Variants in FAM184B observed in about 807,000 individuals in gnomAD.
FAM184B encodes the protein family with sequence similarity 184 member B, also known as protein FAM184B.
A neutral mutation model predicts 135.9 loss-of-function variants in FAM184B; 111 were observed. That is an observed-to-expected ratio of 0.82 (90% CI 0.70 to 0.96). FAM184B has a LOEUF of 0.96. FAM184B is among the 40% of genes least tolerant of loss of function. The pLI is 0.00. For missense variants in FAM184B, 1,375 were observed against 1,323.9 expected (o/e 1.04, Z -0.60); for synonymous variants, 552 against 524.8 (o/e 1.05, Z -0.71).
chr4:17,735,413 A>G (rs535138943), intron 1 of FAM184B, among the ~76,000 whole-genome samples: 18 of 152,310 alleles, frequency 1.2e-4, no homozygotes, highest in African/African-American at 2.6e-4. Flanking sequence ...CTTATTTCCT[A>G]TAATGAATTA....
At chr4:17,744,275 G>A (rs1718107959) in intron 1 of FAM184B, among the ~76,000 whole-genome samples, 1 of 152,036 alleles carries the variant, frequency 6.6e-6, no homozygotes, top group Non-Finnish European at 1.5e-5. Context: ...ACTGGGAGAA[G>A]GTGCAATAGA....
rs1459582746 is a variant in FAM184B, at chr4:17,642,094, C to T, written c.2481G>A (p.Gln827=). The change falls in exon 13 of 18, where the codon CAG becomes CAA. Residue 827 remains glutamine (Q), a synonymous_variant. Coordinates refer to ENST00000265018, the MANE Select transcript of FAM184B (RefSeq NM_015688.2). ...GGAGCTTCTGCGCCTCCTGCTGATG[C>T]TGCTCCACCTCCGCGCGCAGCCGCC... is the stretch of plus-strand genomic sequence containing the variant. ...AVRRLRAEVE[Q]HQQEAQKLRD... 7 of 1,532,712 alleles carry T rather than the reference C, an allele frequency of 4.6e-6. No homozygotes were observed. In the Admixed American group the frequency reaches 7.9e-5, roughly 17 times the overall value. The allele number at this position is 1,532,712 out of a possible 1,614,324, so 94.9% of individuals were successfully genotyped here. A position where few individuals can be genotyped will look rare whatever the true frequency, so the allele number is the denominator to read the frequency against.
At chr4:17,649,608 C>G (rs573391797) in intron 11 of FAM184B, among the ~76,000 whole-genome samples, 1 of 151,326 alleles carries the variant, frequency 6.6e-6, no homozygotes. Flanking sequence ...AAATTTACTT[C>G]GTAATCTTTC....
intron 1 of FAM184B, among the ~76,000 whole-genome samples, chr4:17,718,473 T>C (rs1225934166): frequency 6.6e-6 from 1 of 152,210 alleles, no homozygotes; most frequent in Non-Finnish European, 1.5e-5. Flanking sequence ...TATAGGCTAG[T>C]AGAGTGTGGC....
At chr4:17,776,859 C>T (rs751584427) in intron 1 of FAM184B, among the ~76,000 whole-genome samples, 6 of 152,064 alleles carry the variant, frequency 3.9e-5, no homozygotes, top group Admixed American at 6.6e-5. Context: ...AGGAAAGAAT[C>T]GTACTTCCCT....
At chr4:17,705,229 G>A in intron 4 of FAM184B, 23 bp from the exon 5 acceptor site, 1 of 1,534,222 alleles carries the variant, frequency 6.5e-7, no homozygotes, top group Non-Finnish European at 8.8e-7. Context: ...AAAGGACCTT[G>A]TAAAACCACT....
intron 1 of FAM184B, among the ~76,000 whole-genome samples, chr4:17,752,343 T>C (rs1020342128): frequency 6.6e-6 from 1 of 151,220 alleles, no homozygotes; most frequent in Admixed American, 6.6e-5. Flanking sequence ...GGACGGGAGA[T>C]AGGGGGAGGT....
At chr4:17,644,146 C>T (rs560666728) in intron 12 of FAM184B, among the ~76,000 whole-genome samples, 1 of 152,292 alleles carries the variant, frequency 6.6e-6, no homozygotes, top group East Asian at 1.9e-4. Context: ...GCAGGACATA[C>T]AGGTCATAAT....
At chr4:17,712,418 G>T (rs1446217984) in intron 1 of FAM184B, among the ~76,000 whole-genome samples, 5 of 151,962 alleles carry the variant, frequency 3.3e-5, no homozygotes, top group African/African-American at 7.3e-5. Flanking sequence ...TGCCAAACAC[G>T]ACACTGGCTG....
chr4:17,729,724 C>A (rs1198437070), intron 1 of FAM184B, among the ~76,000 whole-genome samples: 4 of 152,188 alleles, frequency 2.6e-5, no homozygotes, highest in African/African-American at 4.8e-5. Flanking sequence ...AGAAGGAAAA[C>A]TAACAAACAG....
At position 17,781,613 on chromosome 4, in the gene FAM184B, G is replaced by A. The variant is rs989712530; in HGVS notation, c.-314C>T. Reference sequence around the variant, plus strand: ...GTCTGCAGTTCCCCAGCCAGTGCAGGTTTCGTGTGCAAGGGGAGAGCTTCC... The same window carrying A: ...GTCTGCAGTTCCCCAGCCAGTGCAGATTTCGTGTGCAAGGGGAGAGCTTCC... On this transcript the variant is annotated 5_prime_UTR_variant, in exon 1 of 18. Coordinates refer to ENST00000265018, the MANE Select transcript of FAM184B (RefSeq NM_015688.2). This position sits in a 1 kb window ranked among gnomAD's most constrained non-coding sequence, Gnocchi z 6.5. 1.4e-5 allele frequency: 4 copies of A among 278,446 alleles called. 1 individual carries two copies. Among genetic ancestry groups the A allele is most frequent in the Admixed American group, 5.5e-5 (1 of 18,226 alleles). 17.2% of individuals were successfully genotyped at this position (278,446 alleles called of 1,614,324 possible).
At chr4:17,639,470 C>T (rs921069157) in intron 13 of FAM184B, 74 bp from the exon 14 acceptor site, 5 of 1,501,984 alleles carry the variant, frequency 3.3e-6, no homozygotes, top group East Asian at 2.5e-5. Flanking sequence ...GGGTTTATTT[C>T]CCTCATCGCT....
In FAM184B at chr4:17,693,289, G is replaced by C. The variant is rs1716777674; in HGVS notation, c.1488+13C>G. ...AAACAGCACCCCAAGGCTTGCATTT[G>C]GTCAGGGCTCACCTCAAGCAGAGAA... On this transcript the variant is annotated intron_variant, in intron 6 of 17. Transcript: ENST00000265018. 3 of 1,540,082 alleles carry C rather than the reference G, an allele frequency of 1.9e-6. No homozygotes were observed. The African/African-American group carries it at 4.1e-5, about 21-fold the overall frequency.
At chr4:17,636,424 A>C in intron 15 of FAM184B, 104 bp downstream of exon 15, 1 of 872,330 alleles carries the variant, frequency 1.1e-6, no homozygotes, top group Admixed American at 2.1e-5. Context: ...TTTGTAAGAT[A>C]TTAGGGCACC....
chr4:17,778,976 C>T (rs1386385922), intron 1 of FAM184B, among the ~76,000 whole-genome samples: 2 of 152,164 alleles, frequency 1.3e-5, no homozygotes, highest in African/African-American at 2.4e-5. Flanking sequence ...GAAACAATTA[C>T]ATACTAACTT....
intron 1 of FAM184B, among the ~76,000 whole-genome samples, chr4:17,728,648 C>A (rs1408431072): frequency 6.6e-6 from 1 of 151,986 alleles, no homozygotes; most frequent in Admixed American, 6.6e-5. Context: ...GAAATTGAGC[C>A]CAGGTGTGGA....
intron 15 of FAM184B, 32 bp from the exon 16 acceptor site, chr4:17,635,145 G>T: frequency 6.7e-7 from 1 of 1,502,006 alleles, no homozygotes; most frequent in Non-Finnish European, 9.1e-7. Flanking sequence ...GTCTAAATGA[G>T]CCTAACCACA....
intron 1 of FAM184B, among the ~76,000 whole-genome samples, chr4:17,752,336 C>T (rs187513739): frequency 6.6e-6 from 1 of 151,436 alleles, no homozygotes; most frequent in East Asian, 1.9e-4. Context: ...ATGGGTAGGA[C>T]GGGAGATAGG....
intron 7 of FAM184B, among the ~76,000 whole-genome samples, chr4:17,683,333 C>T (rs1279186568): frequency 1.3e-5 from 2 of 152,144 alleles, no homozygotes; most frequent in Non-Finnish European, 2.9e-5. Flanking sequence ...TCCACGGGAG[C>T]AAGAGTTAGC....
Sources: gnomAD v4.1 joint callset for allele counts (sites outside exome capture counted in the v4.1 genomes callset) on GRCh38, gnomAD v4.1.1 for gene constraint, Gnocchi (gnomAD v3.1) non-coding constraint, MANE v1.5 for transcripts, NCBI Gene and HGNC (gene_info 2026-07-23, HGNC 2026-07-21) for gene names.